The following AARSD1 variants were observed in gnomAD, a reference collection of about 807,000 sequenced individuals.
The protein encoded by AARSD1 is alanyl-tRNA editing protein Aarsd1.
Under a neutral mutation model 48.7 loss-of-function variants are expected in AARSD1, and 44 were observed. That is an observed-to-expected ratio of 0.90 (90% CI 0.71 to 1.16). AARSD1 has a LOEUF of 1.16. Among genes scored for constraint, AARSD1 ranks in the 50% most tolerant of loss-of-function variants. The pLI is 0.00. For synonymous variants in AARSD1, 189 were observed against 194.9 expected, an observed-to-expected ratio of 0.97 and a Z score of 0.25; for missense variants, 511 against 523.1, an observed-to-expected ratio of 0.98 and a Z score of 0.23.
At chr17:42,956,632 A>G in intron 4 of AARSD1, 72 bp from the exon 5 acceptor site, 1 of 1,313,272 alleles carries the variant, frequency 7.6e-7, no homozygotes. Flanking sequence ...TTTCCTCTAA[A>G]AACTGGAACA....
rs1424864464 is a variant in AARSD1 at position 42,951,830 on chromosome 17, G to A, written c.1073C>T (p.Pro358Leu). The A allele has an allele frequency of 6.2e-7, 1 of 1,614,172 alleles. No homozygotes were observed. Among genetic ancestry groups the A allele is most frequent in the Non-Finnish European group, 8.5e-7 (1 of 1,180,030 alleles). ...KGGGLFLLAG[P>L]PASVETLGPR... is the part of the protein sequence containing the mutation. ...CCCCAGGGTCTCCACAGACGCAGGT[G>A]GCCCTGCCAGTAAGAAGAGTCCACC... The change falls in exon 11 of 12, where the codon CCA (proline) becomes CTA (leucine). Residue 358 changes from proline to leucine, a missense_variant. Transcript: ENST00000427569.
intron 3 of AARSD1, among the ~76,000 whole-genome samples, chr17:42,959,669 C>CTT (rs1258222034): frequency 2.1e-5 from 3 of 141,180 alleles, no homozygotes; most frequent in Non-Finnish European, 3.1e-5. Context: ...TTTCTCTTTT[C>CTT]TTTTTTTTTT....
chr17:42,955,469 TG>T (rs1246471691), intron 7 of AARSD1: 8 of 496,788 alleles, frequency 1.6e-5, no homozygotes, highest in Non-Finnish European at 2.5e-5. Context: ...GACAGAGTCT[TG>T]CTCTATCGCC....
intron 8 of AARSD1, 94 bp from the exon 9 acceptor site, chr17:42,955,061 T>C: frequency 1.2e-6 from 2 of 1,611,764 alleles, no homozygotes; most frequent in Admixed American, 1.7e-5. Context: ...CACTCCCACT[T>C]TGACAAACTA....
In AARSD1 at chr17:42,950,548, G is replaced by T; in HGVS notation, c.*45C>A. On this transcript the variant is annotated 3_prime_UTR_variant, in exon 12 of 12. Coordinates refer to ENST00000427569, the MANE Select transcript of AARSD1 (RefSeq NM_001261434.2). ...CCATTCTGAGTCAATCTATTTTATT[G>T]ACCAAAAGATTCCTGTGGAAACAGG... is the stretch of plus-strand genomic sequence containing the variant. The T allele has an allele frequency of 1.3e-6, 2 of 1,565,076 alleles. No individual in the cohort carries two copies. Among genetic ancestry groups the T allele is most frequent in the South Asian group, 2.4e-5 (2 of 84,086 alleles).
intron 3 of AARSD1, among the ~76,000 whole-genome samples, chr17:42,958,063 G>A (rs1427166638): frequency 6.6e-6 from 1 of 152,078 alleles, no homozygotes; most frequent in Non-Finnish European, 1.5e-5. Flanking sequence ...GAGGTCAAGG[G>A]ACACCAGATG....
chr17:42,956,240 G>T lies in AARSD1; in HGVS notation c.627C>A (p.Cys209Ter). 6.2e-7 allele frequency: 1 copy of T among 1,614,036 alleles called. No individual in the cohort carries two copies. The highest frequency in any genetic ancestry group is 8.5e-7 in the Non-Finnish European group (1 of 1,180,038). ...VNIEGVDSNM[C>*]CGTHVSNLSD... is the part of the protein sequence containing the mutation. Reference sequence around the variant, plus strand: ...TGAGATTGCTCACATGGGTCCCACAGCACATGTTGGAATCAACGCCCTCGA... The same window carrying T: ...TGAGATTGCTCACATGGGTCCCACATCACATGTTGGAATCAACGCCCTCGA... Residue 209 changes from cysteine (C) to a stop codon, truncating the protein, a stop_gained, in exon 6 of 12, where the codon TGC becomes TGA. Transcript: ENST00000427569. LOFTEE classifies it high-confidence loss of function.
chr17:42,964,150 C>G lies in AARSD1; in HGVS notation c.127G>C (p.Val43Leu). The change falls in exon 2 of 12, where the codon GTG (valine) becomes CTG (leucine). Residue 43 changes from valine (V) to leucine (L), a missense_variant. Val to Leu is a conservative substitution (Grantham distance 32). Transcript: ENST00000427569. Reference protein sequence around the residue: ...GKKEVLSGFQVVLEDTVLFPE... With the variant: ...GKKEVLSGFQLVLEDTVLFPE... ...AAAAGCACTGTGTCTTCCAGCACCA[C>G]TTGGAAACCGCTCAGCACTTCTTTC... 6 of 1,614,234 alleles carry G rather than the reference C, an allele frequency of 3.7e-6. No individual in the cohort carries two copies. The highest frequency in any genetic ancestry group is 4.2e-6 in the Non-Finnish European group (5 of 1,180,044).
intron 2 of AARSD1, 69 bp from the exon 3 acceptor site, chr17:42,961,420 C>A: frequency 6.2e-7 from 1 of 1,600,674 alleles, no homozygotes; most frequent in African/African-American, 1.3e-5. Context: ...TACAAAGACC[C>A]TCTAGGGTGA....
rs2049540199 is a variant in AARSD1 at position 42,955,733 on chromosome 17, G to T, written c.794+109C>A. 4.5e-6 allele frequency: 7 copies of T among 1,548,720 alleles called. No homozygotes were observed. The South Asian group carries it at 4.9e-5, about 11-fold the overall frequency. ...TGGGATTACAGATGTGGGCCACCAC[G>T]CCTGGCCGCACTTTATCATTTACGA... On this transcript the variant is annotated intron_variant, in intron 7 of 11. Coordinates refer to ENST00000427569, the MANE Select transcript of AARSD1 (RefSeq NM_001261434.2).
chr17:42,960,803 G>A (rs1277528864), intron 3 of AARSD1: 1 of 161,164 alleles, frequency 6.2e-6, no homozygotes, highest in African/African-American at 2.4e-5. Context: ...TATCTGGAAT[G>A]ACTTCCAGAA....
intron 9 of AARSD1, 105 bp downstream of exon 9, chr17:42,954,771 A>T: frequency 8.0e-7 from 1 of 1,250,986 alleles, no homozygotes; most frequent in African/African-American, 1.5e-5. Context: ...CCTTGAGAAT[A>T]CCAGTGAGCA....
At position 42,953,924 on chromosome 17, in the gene AARSD1, G is replaced by A. The variant is rs866963244; in HGVS notation, c.954-146C>T. The A allele has an allele frequency of 8.0e-6, 8 of 995,416 alleles. No homozygotes were observed. In the African/African-American group the frequency reaches 1.3e-4, roughly 16 times the overall value. The allele number at this position is 995,416 out of a possible 1,614,324, so 61.7% of individuals were successfully genotyped here. A position where few individuals can be genotyped will look rare whatever the true frequency, so the allele number is the denominator to read the frequency against. On this transcript the variant is annotated intron_variant, in intron 9 of 11. Transcript: ENST00000427569. Reference sequence around the variant, plus strand: ...CCTTAGCCAAGAGAGAGTACTGGCTGAAAGCCAGCAAGCTGCCCTTCTCAG... The same window carrying A: ...CCTTAGCCAAGAGAGAGTACTGGCTAAAAGCCAGCAAGCTGCCCTTCTCAG...
chr17:42,964,231 T>G lies in AARSD1; in HGVS notation c.46A>C (p.Thr16Pro). ...GCGGGACAGCAGGAGACCACGGTGG[T>G]GGTGAACTGAACAGAGAGGAATGAG... is the stretch of plus-strand genomic sequence containing the variant. ...QRDSYAREFT[T>P]TVVSCCPAEL... Residue 16 changes from threonine (T) to proline (P), a missense_variant, in exon 2 of 12, where the codon ACC becomes CCC. Physicochemically the swap from Thr to Pro is conservative, Grantham distance 38. Transcript: ENST00000427569. The G allele has an allele frequency of 6.2e-7, 1 of 1,613,636 alleles. No homozygotes were observed. The highest frequency in any genetic ancestry group is 8.5e-7 in the Non-Finnish European group (1 of 1,179,982).
intron 10 of AARSD1, 107 bp from the exon 11 acceptor site, chr17:42,952,001 C>T (rs975443935): frequency 1.2e-5 from 16 of 1,280,422 alleles, no homozygotes; most frequent in Non-Finnish European, 1.3e-5. Context: ...TCCCCCTAAA[C>T]CACCAAGTGA....
chr17:42,955,814 G>C, intron 7 of AARSD1, 28 bp downstream of exon 7: 1 of 1,613,296 alleles, frequency 6.2e-7, no homozygotes, highest in South Asian at 1.1e-5. Context: ...GAAATGGGAG[G>C]TAATCGAAGG....
At chr17:42,954,837 A>G in intron 9 of AARSD1, 39 bp downstream of exon 9, 2 of 1,609,854 alleles carry the variant, frequency 1.2e-6, no homozygotes, top group Non-Finnish European at 1.7e-6. Context: ...TAAGCCCAAC[A>G]CAGTTCCCCT....
chr17:42,960,352 T>C (rs1372739335), intron 3 of AARSD1, among the ~76,000 whole-genome samples: 1 of 151,564 alleles, frequency 6.6e-6, no homozygotes, highest in African/African-American at 2.4e-5. Flanking sequence ...ATTAGGAAAC[T>C]GTTAGAGAGG....
At chr17:42,955,127 T>A in intron 8 of AARSD1, 31 bp downstream of exon 8, 1 of 1,613,988 alleles carries the variant, frequency 6.2e-7, no homozygotes, top group Non-Finnish European at 8.5e-7. Context: ...GCAGGGCCCA[T>A]GCCCTCTCTA....
Sources: allele counts gnomAD v4.1 joint callset (sites outside exome capture counted in the v4.1 genomes callset), GRCh38; gene constraint gnomAD v4.1.1; transcripts MANE v1.5; gene names NCBI Gene and HGNC (gene_info 2026-07-23, HGNC 2026-07-21).